ZFHX3: variants seen among roughly 807,000 people sequenced by gnomAD.
The protein encoded by ZFHX3 is zinc finger homeobox 3, also known as zinc finger homeobox protein 3.
ZFHX3 carries 42 observed loss-of-function variants against 279.1 expected under a neutral mutation model. That is an observed-to-expected ratio of 0.15 (90% CI 0.12 to 0.19). ZFHX3 has a LOEUF of 0.19. ZFHX3 is among the 10% of genes least tolerant of loss of function. The pLI, the probability that ZFHX3 is intolerant of heterozygous loss-of-function variation, is 1.00. For synonymous variants in ZFHX3, 2,293 were observed against 1,957.8 expected, an observed-to-expected ratio of 1.17 and a Z score of -4.52; for missense variants, 4,981 against 4,754.0, an observed-to-expected ratio of 1.05 and a Z score of -1.40.
intron 5 of ZFHX3, among the ~76,000 whole-genome samples, chr16:73,206,032 G>A (rs945358526): frequency 3.9e-5 from 6 of 152,170 alleles, no homozygotes; most frequent in Admixed American, 6.5e-5. Flanking sequence ...TTATCACAGA[G>A]CAAGAAAACA....
intron 2 of ZFHX3, among the ~76,000 whole-genome samples, chr16:73,548,722 TA>T (rs1241361494): frequency 6.6e-5 from 10 of 151,764 alleles, no homozygotes; most frequent in African/African-American, 2.2e-4. Context: ...AAACAAAATA[TA>T]AAAAAAATTA....
rs533916921 is a variant in ZFHX3, at chr16:73,651,462, G to A, written c.-1547+28718C>T. Among the ~76,000 whole-genome samples the A allele has an allele frequency of 4.4e-4, 67 of 151,866 alleles. 2 individuals carry two copies. The highest frequency in any genetic ancestry group is 1.6e-3 in the African/African-American group (67 of 41,462). On this transcript the variant is annotated intron_variant, in intron 2 of 17. Coordinates refer to the ZFHX3 transcript ENST00000641206. ...CAGTATTAAATAAAAAAGGAAGAAA[G>A]CAACACACACTTGGAAACATCACAA...
At chr16:73,031,834 G>A (rs1451157512) in intron 1 of ZFHX3, among the ~76,000 whole-genome samples, 1 of 152,190 alleles carries the variant, frequency 6.6e-6, no homozygotes, top group East Asian at 1.9e-4. Flanking sequence ...GGGCAGAGGT[G>A]TGGAGAGAAT....
intron 6 of ZFHX3, among the ~76,000 whole-genome samples, chr16:73,133,522 T>C (rs192459393): frequency 2.0e-5 from 3 of 152,094 alleles, no homozygotes; most frequent in African/African-American, 7.2e-5. Flanking sequence ...AAGACTGGTG[T>C]CCTTTTAAGA....
intron 5 of ZFHX3, among the ~76,000 whole-genome samples, chr16:73,151,368 A>G (rs1268670547): frequency 6.6e-6 from 1 of 152,126 alleles, no homozygotes; most frequent in Admixed American, 6.6e-5. Context: ...TGGGGGTTGG[A>G]GAAGGCTTCC....
intron 3 of ZFHX3, among the ~76,000 whole-genome samples, chr16:73,431,068 G>C (rs184314682): frequency 4.7e-4 from 71 of 152,342 alleles, no homozygotes; most frequent in Admixed American, 4.2e-3. Flanking sequence ...TCTAATTACA[G>C]AGAAAGAGTG....
intron 1 of ZFHX3, among the ~76,000 whole-genome samples, chr16:73,782,463 T>C (rs912749214): frequency 3.9e-5 from 6 of 152,234 alleles, no homozygotes; most frequent in African/African-American, 1.4e-4. Flanking sequence ...GTCCCTAATT[T>C]AGAGGAGGAC....
intron 3 of ZFHX3, among the ~76,000 whole-genome samples, chr16:72,916,172 T>C (rs540476225): frequency 5.3e-5 from 8 of 152,198 alleles, no homozygotes; most frequent in Non-Finnish European, 1.2e-4. Context: ...GACTCTTCAC[T>C]TCCCCCCCCT....
intron 5 of ZFHX3, among the ~76,000 whole-genome samples, chr16:73,191,274 T>C (rs971713459): frequency 2.6e-5 from 4 of 152,146 alleles, no homozygotes; most frequent in African/African-American, 9.7e-5. Context: ...TTGGCTCTGA[T>C]GTCTGTGTTG....
At chr16:73,159,752 C>T (rs74909909) in intron 5 of ZFHX3, among the ~76,000 whole-genome samples, 2,714 of 152,084 alleles carry the variant, frequency 0.018, 78 homozygotes, top group African/African-American at 0.061. Flanking sequence ...CCTTTAAGCT[C>T]GATTATTATA....
intron 1 of ZFHX3, among the ~76,000 whole-genome samples, chr16:73,859,670 A>G (rs527464523): frequency 6.6e-6 from 1 of 152,350 alleles, no homozygotes; most frequent in African/African-American, 2.4e-5. Flanking sequence ...CAAAAATGAC[A>G]TCACCACCAC....
intron 1 of ZFHX3, among the ~76,000 whole-genome samples, chr16:73,883,399 ATGTGTGTGTGTGTGTG>A (rs34914604): frequency 6.7e-6 from 1 of 149,068 alleles, no homozygotes; most frequent in African/African-American, 2.5e-5. Flanking sequence ...AGCCATATAT[ATGTGTGTGTGTGTGTG>A]TGTGTGTGTG....
At chr16:73,173,094 C>T (rs1451426508) in intron 5 of ZFHX3, among the ~76,000 whole-genome samples, 1 of 138,112 alleles carries the variant, frequency 7.2e-6, no homozygotes, top group African/African-American at 2.7e-5. Flanking sequence ...GGGAAAATAA[C>T]CTTGTTTCCT....
At chr16:73,454,371 G>C (rs550092023) in intron 3 of ZFHX3, among the ~76,000 whole-genome samples, 1 of 151,990 alleles carries the variant, frequency 6.6e-6, no homozygotes, top group African/African-American at 2.4e-5. Flanking sequence ...AAGTAGACTC[G>C]ACAGACTTAG....
chr16:73,487,294 G>T, intron 2 of ZFHX3: 1 of 309,406 alleles, frequency 3.2e-6, no homozygotes, highest in Non-Finnish European at 6.4e-6. Context: ...CAGCTTGGGT[G>T]TGGCGCTGTA....
chr16:73,841,234 G>A (rs1227201884), intron 1 of ZFHX3, among the ~76,000 whole-genome samples: 1 of 151,904 alleles, frequency 6.6e-6, no homozygotes, highest in Non-Finnish European at 1.5e-5. Flanking sequence ...ATGAGCCCAA[G>A]TTTAGCTTTC....
upstream of ZFHX3, among the ~76,000 whole-genome samples, chr16:73,052,982 G>A (rs1377417390): frequency 6.6e-6 from 1 of 152,172 alleles, no homozygotes; most frequent in Non-Finnish European, 1.5e-5. Context: ...GTCAATGCTG[G>A]TTCATTTTTC....
At chr16:73,446,716 T>C (rs1597338772) in intron 3 of ZFHX3, among the ~76,000 whole-genome samples, 1 of 152,096 alleles carries the variant, frequency 6.6e-6, no homozygotes, top group South Asian at 2.1e-4. Flanking sequence ...GGGAACAACA[T>C]ATACTGGGGC....
At chr16:73,337,962 G>A (rs1340511963) in intron 3 of ZFHX3, among the ~76,000 whole-genome samples, 2 of 144,726 alleles carry the variant, frequency 1.4e-5, no homozygotes, top group African/African-American at 5.0e-5. Flanking sequence ...TTCTTACACA[G>A]TTTAGATTCC....
Sources: allele counts gnomAD v4.1 joint callset (sites outside exome capture counted in the v4.1 genomes callset), GRCh38; gene constraint gnomAD v4.1.1; transcripts MANE v1.5; gene names NCBI Gene and HGNC (gene_info 2026-07-23, HGNC 2026-07-21).